The following EPHA3 variants were observed in gnomAD, a reference collection of about 807,000 sequenced individuals.
The protein encoded by EPHA3 is EPH receptor A3.
EPHA3 carries 42 observed loss-of-function variants against 107.1 expected under a neutral mutation model. That is an observed-to-expected ratio of 0.39 (90% CI 0.31 to 0.51). The LOEUF (loss-of-function observed/expected upper bound fraction) is 0.51, where lower values mean the gene tolerates loss of function less well. Among genes scored for constraint, EPHA3 ranks in the 20% least tolerant of loss-of-function variants. The pLI, the probability that EPHA3 is intolerant of heterozygous loss-of-function variation, is 0.78. For missense variants in EPHA3, 1,183 were observed against 1,211.2 expected, an observed-to-expected ratio of 0.98 and a Z score of 0.35; for synonymous variants, 461 against 424.8, an observed-to-expected ratio of 1.09 and a Z score of -1.05.
At chr3:89,173,632 A>G (rs1705256136) in intron 2 of EPHA3, among the ~76,000 whole-genome samples, 2 of 152,086 alleles carry the variant, frequency 1.3e-5, no homozygotes. Flanking sequence ...CTGTATTACC[A>G]GAAAGAGAGA....
rs1221318412 is a variant in EPHA3, at chr3:89,407,310, G to A, written c.1636G>A (p.Ala546Thr). The change falls in exon 8 of 17, where the codon GCC (alanine) becomes ACC (threonine). Residue 546 changes from alanine (A) to threonine (T), a missense_variant. Ala to Thr is a moderately conservative substitution (Grantham distance 58). Transcript: ENST00000336596. ...TGAAAGTAGCCAAGTGGTCATGATC[G>A]CCATTTCAGCGGCAGTAGCAATTAT... ...SGESSQVVMI[A>T]ISAAVAIILL... is the part of the protein sequence containing the mutation. 3 of 1,613,342 alleles carry A rather than the reference G, an allele frequency of 1.9e-6. No homozygotes were observed. The highest frequency in any genetic ancestry group is 1.3e-5 in the African/African-American group (1 of 74,824).
At chr3:89,394,236 CTT>C (rs1708804512) in intron 5 of EPHA3, among the ~76,000 whole-genome samples, 1 of 152,110 alleles carries the variant, frequency 6.6e-6, no homozygotes, top group Admixed American at 6.5e-5. Context: ...CATGACAAAA[CTT>C]TGTCTCTACA....
chr3:89,452,144 T>C (rs910402786), intron 15 of EPHA3, among the ~76,000 whole-genome samples: 2 of 152,218 alleles, frequency 1.3e-5, no homozygotes, highest in Non-Finnish European at 2.9e-5. Flanking sequence ...TCTTGGCTAT[T>C]GTGAATAATG....
chr3:89,292,401 A>G (rs1380059878), intron 3 of EPHA3, among the ~76,000 whole-genome samples: 3 of 152,140 alleles, frequency 2.0e-5, no homozygotes, highest in Non-Finnish European at 4.4e-5. Flanking sequence ...ATACTATGGC[A>G]TTTTATATAA....
At chr3:89,402,561 C>T (rs1708985138) in intron 7 of EPHA3, among the ~76,000 whole-genome samples, 1 of 151,906 alleles carries the variant, frequency 6.6e-6, no homozygotes. Flanking sequence ...ATGACATATT[C>T]CTAAATGCTG....
intron 5 of EPHA3, among the ~76,000 whole-genome samples, chr3:89,388,048 C>A (rs1206777987): frequency 6.6e-6 from 1 of 152,132 alleles, no homozygotes; most frequent in Non-Finnish European, 1.5e-5. Flanking sequence ...TTTCTCCCAG[C>A]ACAATTAATT....
chr3:89,114,510 C>T (rs1707205260), intron 1 of EPHA3, among the ~76,000 whole-genome samples: 1 of 152,198 alleles, frequency 6.6e-6, no homozygotes, highest in South Asian at 2.1e-4. Flanking sequence ...GCAGTCTCAG[C>T]CCTCTGGAGG....
At chr3:89,250,806 A>G (rs1403880440) in intron 3 of EPHA3, among the ~76,000 whole-genome samples, 1 of 152,180 alleles carries the variant, frequency 6.6e-6, no homozygotes, top group African/African-American at 2.4e-5. Context: ...TTTATGTCTA[A>G]TAGCATTTAC....
intron 5 of EPHA3, among the ~76,000 whole-genome samples, chr3:89,376,713 T>C (rs1031847906): frequency 2.0e-5 from 3 of 152,080 alleles, no homozygotes; most frequent in African/African-American, 7.2e-5. Context: ...TAAAGAAAGG[T>C]TGATACTAAG....
chr3:89,440,425 A>G (rs1709761208), intron 13 of EPHA3, among the ~76,000 whole-genome samples: 1 of 152,214 alleles, frequency 6.6e-6, no homozygotes, highest in South Asian at 2.1e-4. Context: ...AGATTTGTAC[A>G]TATAATTACA....
intron 5 of EPHA3, among the ~76,000 whole-genome samples, chr3:89,369,220 GGA>G (rs1210861934): frequency 6.6e-6 from 1 of 150,932 alleles, no homozygotes; most frequent in Non-Finnish European, 1.5e-5. Context: ...GAACAAAGCT[GGA>G]GCCATCAGGC....
intron 2 of EPHA3, among the ~76,000 whole-genome samples, chr3:89,190,152 G>T (rs1418529052): frequency 1.3e-5 from 2 of 152,088 alleles, no homozygotes; most frequent in Non-Finnish European, 1.5e-5. Flanking sequence ...ATATCTTATT[G>T]AAATCAGGCC....
At chr3:89,161,225 A>C (rs1279534771) in intron 2 of EPHA3, among the ~76,000 whole-genome samples, 1 of 152,180 alleles carries the variant, frequency 6.6e-6, no homozygotes, top group East Asian at 1.9e-4. Flanking sequence ...TAAAAAAGGA[A>C]AATGTTTGAA....
At chr3:89,441,940 ACTCTTATTCGTGT>A (rs569269551) in intron 13 of EPHA3, among the ~76,000 whole-genome samples, 187 of 151,984 alleles carry the variant, frequency 1.2e-3, no homozygotes, top group African/African-American at 4.4e-3. Flanking sequence ...GCCCTCAAGG[ACTCTTATTCGTGT>A]CTCTCTATGC....
intron 2 of EPHA3, among the ~76,000 whole-genome samples, chr3:89,135,839 C>T (rs1704298965): frequency 6.6e-6 from 1 of 150,774 alleles, no homozygotes; most frequent in Non-Finnish European, 1.5e-5. Context: ...AGTGAGAATC[C>T]TGTAAATAAA....
intron 13 of EPHA3, among the ~76,000 whole-genome samples, chr3:89,439,868 C>G (rs1030076641): frequency 3.3e-5 from 5 of 151,826 alleles, no homozygotes; most frequent in African/African-American, 1.2e-4. Context: ...CATGAGAGTC[C>G]GAAAGTAACA....
At chr3:89,121,838 T>C (rs1420226903) in intron 1 of EPHA3, among the ~76,000 whole-genome samples, 2 of 151,866 alleles carry the variant, frequency 1.3e-5, no homozygotes, top group African/African-American at 4.8e-5. Flanking sequence ...ATTAAGAATA[T>C]ACAAGCATGG....
intron 3 of EPHA3, among the ~76,000 whole-genome samples, chr3:89,292,796 T>C (rs9852722): frequency 0.23 from 34,431 of 152,124 alleles, 4,300 homozygotes; most frequent in Non-Finnish European, 0.27. Context: ...CAAAAGTCTT[T>C]GATTTGTGTA....
chr3:89,402,058 A>G (rs1708974900), intron 7 of EPHA3, among the ~76,000 whole-genome samples: 1 of 152,220 alleles, frequency 6.6e-6, no homozygotes, highest in Non-Finnish European at 1.5e-5. Flanking sequence ...TTTTATGCAT[A>G]TTTGGGAACA....
Sources: gnomAD v4.1 joint callset for allele counts (sites outside exome capture counted in the v4.1 genomes callset) on GRCh38, gnomAD v4.1.1 for gene constraint, MANE v1.5 for transcripts, NCBI Gene and HGNC (gene_info 2026-07-23, HGNC 2026-07-21) for gene names.